DLG2: variants seen among roughly 807,000 people sequenced by gnomAD.
DLG2 encodes the protein discs large MAGUK scaffold protein 2, also known as disks large homolog 2.
Under a neutral mutation model 132.5 loss-of-function variants are expected in DLG2, and 45 were observed. The ratio of observed to expected loss-of-function variants is 0.34; its 90% CI spans 0.27 to 0.44. The LOEUF (loss-of-function observed/expected upper bound fraction) is 0.44. Among genes scored for constraint, DLG2 ranks in the 20% least tolerant of loss-of-function variants. DLG2 has a pLI of 1.00. For missense variants in DLG2, 1,045 were observed against 1,196.9 expected (o/e 0.87, Z 1.87); for synonymous variants, 424 against 419.6 (o/e 1.01, Z -0.13).
At chr11:85,236,580 T>C (rs769041111) in intron 4 of DLG2, among the ~76,000 whole-genome samples, 5 of 152,046 alleles carry the variant, frequency 3.3e-5, no homozygotes, top group Non-Finnish European at 5.9e-5. Flanking sequence ...GGTCATATTC[T>C]GAGGTAATGG....
chr11:84,650,873 G>GTATATATATATA (rs71274437), intron 6 of DLG2, among the ~76,000 whole-genome samples: 32 of 123,972 alleles, frequency 2.6e-4, no homozygotes, highest in Middle Eastern at 4.1e-3. Context: ...GTGTGTGTGT[G>GTATATATATATA]TATATATATA....
At chr11:85,595,411 T>C (rs186463123) in intron 3 of DLG2, among the ~76,000 whole-genome samples, 1 of 152,326 alleles carries the variant, frequency 6.6e-6, no homozygotes, top group East Asian at 1.9e-4. Context: ...TGGAAAGTGT[T>C]GATGCTGTAA....
intron 7 of DLG2, among the ~76,000 whole-genome samples, chr11:84,449,532 C>G (rs1029556928): frequency 7.3e-5 from 11 of 151,382 alleles, no homozygotes; most frequent in Admixed American, 1.3e-4. Flanking sequence ...TAGTTGTATT[C>G]TATATGTCAG....
chr11:84,545,365 C>A (rs1386509099), intron 6 of DLG2: 1 of 524,858 alleles, frequency 1.9e-6, no homozygotes, highest in Non-Finnish European at 3.7e-6. Context: ...TCCATTATAG[C>A]CATCCCACTG....
At chr11:85,281,293 A>G (rs186739819) in intron 4 of DLG2, among the ~76,000 whole-genome samples, 2 of 152,166 alleles carry the variant, frequency 1.3e-5, no homozygotes, top group East Asian at 3.9e-4. Context: ...TGCTATTAAA[A>G]TCACATCAAA....
At chr11:84,354,728 G>C (rs553976177) in intron 7 of DLG2, among the ~76,000 whole-genome samples, 1 of 152,194 alleles carries the variant, frequency 6.6e-6, no homozygotes, top group South Asian at 2.1e-4. Flanking sequence ...TCCCTAAAGA[G>C]TTGTGAAGCT....
At chr11:84,281,905 C>T (rs576543963) in intron 7 of DLG2, among the ~76,000 whole-genome samples, 1 of 152,214 alleles carries the variant, frequency 6.6e-6, no homozygotes, top group Admixed American at 6.5e-5. Context: ...AAGTCTCATA[C>T]ACTGCTGGTG....
chr11:84,234,651 G>A (rs190583914), intron 8 of DLG2, among the ~76,000 whole-genome samples: 14 of 152,114 alleles, frequency 9.2e-5, no homozygotes, highest in Admixed American at 5.2e-4. Context: ...ATGGGTGGTT[G>A]GACATGCTTC....
chr11:83,529,068 G>A (rs1026505508), intron 21 of DLG2, among the ~76,000 whole-genome samples: 100 of 152,062 alleles, frequency 6.6e-4, no homozygotes, highest in African/African-American at 2.3e-3. Flanking sequence ...CTCCTCCAGG[G>A]CAGTAACCTT....
At chr11:84,616,811 T>C (rs900644870) in intron 6 of DLG2, among the ~76,000 whole-genome samples, 1 of 152,114 alleles carries the variant, frequency 6.6e-6, no homozygotes, top group African/African-American at 2.4e-5. Flanking sequence ...AAATTTAAGG[T>C]ATCTGAAGTT....
At chr11:85,534,333 T>C (rs1042099165) in intron 3 of DLG2, among the ~76,000 whole-genome samples, 2 of 152,156 alleles carry the variant, frequency 1.3e-5, no homozygotes, top group Non-Finnish European at 2.9e-5. Flanking sequence ...TTTCATTTCC[T>C]CCATGAAATA....
intron 6 of DLG2, among the ~76,000 whole-genome samples, chr11:84,823,303 A>C (rs555674807): frequency 3.5e-4 from 53 of 151,962 alleles, no homozygotes; most frequent in Non-Finnish European, 6.8e-4. Context: ...AAAGGAATAC[A>C]TACATTTCTA....
intron 2 of DLG2, among the ~76,000 whole-genome samples, chr11:85,603,487 C>T (rs1318008354): frequency 2.6e-5 from 4 of 151,550 alleles, no homozygotes; most frequent in African/African-American, 4.8e-5. Context: ...CGACATTTTT[C>T]GGGAAACCTA....
intron 19 of DLG2, among the ~76,000 whole-genome samples, chr11:83,600,552 G>C (rs1469907759): frequency 2.0e-5 from 3 of 152,182 alleles, no homozygotes; most frequent in Admixed American, 2.0e-4. Flanking sequence ...AAGAGAGAGA[G>C]GGTAGTGTCT....
chr11:85,619,278 G>A (rs999770612), intron 2 of DLG2, among the ~76,000 whole-genome samples: 1 of 152,080 alleles, frequency 6.6e-6, no homozygotes, highest in African/African-American at 2.4e-5. Flanking sequence ...CCTGGGCTCA[G>A]GCAATCCTCC....
intron 7 of DLG2, among the ~76,000 whole-genome samples, chr11:84,411,887 A>T (rs1393920616): frequency 6.6e-6 from 1 of 152,116 alleles, no homozygotes; most frequent in Admixed American, 6.5e-5. Context: ...GATTTTGGGG[A>T]CATTCTACAT....
chr11:84,341,243 C>T (rs1300431315), intron 7 of DLG2, among the ~76,000 whole-genome samples: 2 of 151,992 alleles, frequency 1.3e-5, no homozygotes, highest in Non-Finnish European at 2.9e-5. Context: ...TACCTAGTTG[C>T]ACCACTGGAG....
intron 4 of DLG2, among the ~76,000 whole-genome samples, chr11:85,220,817 T>C (rs2074586373): frequency 6.6e-6 from 1 of 151,842 alleles, no homozygotes; most frequent in African/African-American, 2.4e-5. Context: ...ATACTTCTCA[T>C]GTTAAAAAAT....
chr11:84,969,722 T>G (rs2053808495), intron 6 of DLG2, among the ~76,000 whole-genome samples: 1 of 152,166 alleles, frequency 6.6e-6, no homozygotes. Context: ...CACATGCACA[T>G]GTTTACTGCA....
Sources: allele counts gnomAD v4.1 joint callset (sites outside exome capture counted in the v4.1 genomes callset), GRCh38; gene constraint gnomAD v4.1.1; transcripts MANE v1.5; gene names NCBI Gene and HGNC (gene_info 2026-07-23, HGNC 2026-07-21).